CNTN5: variants seen among roughly 807,000 people sequenced by gnomAD.
CNTN5 encodes contactin 5.
A neutral mutation model predicts 129.1 loss-of-function variants in CNTN5; 77 were observed. That is an observed-to-expected ratio of 0.60 (90% CI 0.50 to 0.72). The LOEUF (loss-of-function observed/expected upper bound fraction) is 0.72, where lower values mean the gene tolerates loss of function less well. Among genes scored for constraint, CNTN5 ranks in the 30% least tolerant of loss-of-function variants. The probability of loss-of-function intolerance (pLI) is 0.00; values close to 1 mark genes in which losing one functional copy is unlikely to be tolerated. For synonymous variants in CNTN5, 509 were observed against 465.6 expected (o/e 1.09, Z -1.20); for missense variants, 1,478 against 1,328.8 (o/e 1.11, Z -1.75).
chr11:99,500,877 A>G (rs1946401255), intron 2 of CNTN5, among the ~76,000 whole-genome samples: 1 of 152,220 alleles, frequency 6.6e-6, no homozygotes, highest in African/African-American at 2.4e-5. Flanking sequence ...AATTTCTTCC[A>G]AAATGTTTCA....
At chr11:100,175,738 T>C (rs1055185575) in intron 13 of CNTN5, among the ~76,000 whole-genome samples, 3 of 152,068 alleles carry the variant, frequency 2.0e-5, no homozygotes, top group African/African-American at 7.2e-5. Context: ...CATCAGTAAA[T>C]GAGACCAATA....
At chr11:99,118,559 T>C (rs1858150903) in intron 1 of CNTN5, among the ~76,000 whole-genome samples, 1 of 152,056 alleles carries the variant, frequency 6.6e-6, no homozygotes, top group Non-Finnish European at 1.5e-5. Context: ...GTGTCAACAT[T>C]CATCCGAGAA....
At chr11:99,023,193 A>C (rs538439014) in intron 1 of CNTN5, among the ~76,000 whole-genome samples, 5 of 152,332 alleles carry the variant, frequency 3.3e-5, no homozygotes, top group African/African-American at 9.6e-5. Flanking sequence ...CTGAAATCAA[A>C]TCATGAATCT....
At chr11:99,611,564 G>A (rs969844321) in intron 3 of CNTN5, among the ~76,000 whole-genome samples, 1 of 152,104 alleles carries the variant, frequency 6.6e-6, no homozygotes, top group Non-Finnish European at 1.5e-5. Flanking sequence ...GAGGAAAATG[G>A]ATTTGTGTTC....
chr11:99,957,068 A>G (rs917139202), intron 8 of CNTN5, 59 bp downstream of exon 8: 2 of 1,409,386 alleles, frequency 1.4e-6, no homozygotes, highest in African/African-American at 1.5e-5. Context: ...ATAAAGATGT[A>G]TTAGTGTGTG....
chr11:99,270,229 C>T (rs1482448535), intron 1 of CNTN5, among the ~76,000 whole-genome samples: 4 of 151,750 alleles, frequency 2.6e-5, no homozygotes, highest in African/African-American at 9.7e-5. Context: ...TTGAGTAATA[C>T]ATGTATTAAG....
intron 1 of CNTN5, among the ~76,000 whole-genome samples, chr11:99,134,526 A>T (rs1005886098): frequency 1.3e-5 from 2 of 152,220 alleles, no homozygotes; most frequent in Middle Eastern, 3.2e-3. Context: ...CAACATTTTT[A>T]TGTCACTGGT....
intron 9 of CNTN5, among the ~76,000 whole-genome samples, chr11:100,011,726 T>A (rs918001883): frequency 6.6e-6 from 1 of 152,114 alleles, no homozygotes; most frequent in African/African-American, 2.4e-5. Flanking sequence ...GTATTAAGTA[T>A]TTTTTTCTCT....
At chr11:99,670,056 G>T (rs911052670) in intron 3 of CNTN5, among the ~76,000 whole-genome samples, 1 of 152,060 alleles carries the variant, frequency 6.6e-6, no homozygotes, top group Non-Finnish European at 1.5e-5. Flanking sequence ...TCTTTAAATA[G>T]AATTTTATTA....
At chr11:99,696,489 C>T (rs1332804755) in intron 3 of CNTN5, among the ~76,000 whole-genome samples, 1 of 151,922 alleles carries the variant, frequency 6.6e-6, no homozygotes, top group Non-Finnish European at 1.5e-5. Context: ...TCCCCAGGCT[C>T]AACTAAGGAA....
At chr11:99,403,741 T>C (rs753610802) in intron 2 of CNTN5, among the ~76,000 whole-genome samples, 8 of 152,210 alleles carry the variant, frequency 5.3e-5, no homozygotes, top group Non-Finnish European at 1.0e-4. Flanking sequence ...TTTCAATTTT[T>C]TGAATGTTTT....
chr11:99,519,173 TG>T (rs1947174767), intron 2 of CNTN5, among the ~76,000 whole-genome samples: 1 of 152,068 alleles, frequency 6.6e-6, no homozygotes, highest in African/African-American at 2.4e-5. Flanking sequence ...TAAGTGTACA[TG>T]ATGTTCTCTG....
chr11:99,622,837 G>GAAAAA (rs139145102), intron 3 of CNTN5, among the ~76,000 whole-genome samples: 16 of 149,938 alleles, frequency 1.1e-4, no homozygotes, highest in East Asian at 5.9e-4. Context: ...TTAGAAAACT[G>GAAAAA]AAAAAAAAAG....
chr11:99,377,853 T>C (rs1385596047), intron 2 of CNTN5, among the ~76,000 whole-genome samples: 4 of 152,150 alleles, frequency 2.6e-5, no homozygotes, highest in Admixed American at 2.0e-4. Flanking sequence ...AACTAAGTTC[T>C]TCACCCAAGT....
chr11:99,153,127 T>C (rs1243174166), intron 1 of CNTN5, among the ~76,000 whole-genome samples: 1 of 152,198 alleles, frequency 6.6e-6, no homozygotes, highest in Non-Finnish European at 1.5e-5. Context: ...GTCTTGGGGA[T>C]GGGCTTCTTG....
chr11:99,340,862 T>C (rs1175171153), intron 2 of CNTN5, among the ~76,000 whole-genome samples: 2 of 152,222 alleles, frequency 1.3e-5, no homozygotes, highest in African/African-American at 4.8e-5. Context: ...CCACAAAATA[T>C]AATTCCATTG....
intron 8 of CNTN5, among the ~76,000 whole-genome samples, chr11:99,995,337 AC>A (rs769576888): frequency 5.3e-5 from 8 of 151,800 alleles, no homozygotes; most frequent in Admixed American, 2.0e-4. Flanking sequence ...AAAAAAAAAA[AC>A]AATAAATACC....
intron 3 of CNTN5, among the ~76,000 whole-genome samples, chr11:99,558,869 C>T (rs1057436947): frequency 6.6e-6 from 1 of 152,042 alleles, no homozygotes; most frequent in Non-Finnish European, 1.5e-5. Flanking sequence ...GGTTGATGTG[C>T]AGCAAATATT....
chr11:100,161,921 T>C (rs1310474134), intron 13 of CNTN5, among the ~76,000 whole-genome samples: 1 of 150,902 alleles, frequency 6.6e-6, no homozygotes, highest in Non-Finnish European at 1.5e-5. Flanking sequence ...TGACTGGTCT[T>C]GGAACTGCTC....
Sources: allele counts gnomAD v4.1 joint callset (sites outside exome capture counted in the v4.1 genomes callset), GRCh38; gene constraint gnomAD v4.1.1; transcripts MANE v1.5; gene names NCBI Gene and HGNC (gene_info 2026-07-23, HGNC 2026-07-21).